ADK: variants seen among roughly 807,000 people sequenced by gnomAD.
ADK encodes adenosine kinase.
A neutral mutation model predicts 44.7 loss-of-function variants in ADK; 24 were observed. The observed-to-expected ratio is 0.54, with a 90% CI of 0.39 to 0.76. The LOEUF (loss-of-function observed/expected upper bound fraction) is 0.76, where lower values mean the gene tolerates loss of function less well. Ranked by LOEUF, ADK falls within the 30% of genes least tolerant of loss-of-function variation. ADK has a pLI of 0.00. For missense variants in ADK, 321 were observed against 425.1 expected (o/e 0.76, Z 2.15); for synonymous variants, 128 against 142.6 (o/e 0.90, Z 0.73).
At chr10:74,312,290 T>TAG (rs35574014) in intron 3 of ADK, among the ~76,000 whole-genome samples, 11 of 151,124 alleles carry the variant, frequency 7.3e-5, no homozygotes, top group African/African-American at 1.7e-4. Context: ...CACTTGTAGA[T>TAG]AGAGTGTGTG....
Position 74,420,072 on chromosome 10 carries a change from T to A in ADK, c.555+21493T>A, listed in dbSNP as rs568443537. ...GAGGAAGCTAAAATCTTAAAGTTCTTAACTGATGATGATACTGCCAGTAGG... is the reference window on the plus strand; with the variant it reads ...GAGGAAGCTAAAATCTTAAAGTTCTAAACTGATGATGATACTGCCAGTAGG... On this transcript the variant is annotated intron_variant, in intron 6 of 10. Coordinates refer to ENST00000539909, the MANE Select transcript of ADK (RefSeq NM_006721.4). Among the ~76,000 whole-genome samples, 33 of 152,272 alleles carry A rather than the reference T, an allele frequency of 2.2e-4. No homozygotes were observed. In the East Asian group the frequency reaches 3.1e-3, roughly 14 times the overall value.
intron 9 of ADK, among the ~76,000 whole-genome samples, chr10:74,632,859 A>G (rs1853490193): frequency 6.6e-6 from 1 of 152,200 alleles, no homozygotes. Flanking sequence ...AGATGAGCAG[A>G]TACATGAGCA....
chr10:74,205,698 A>T (rs1843569821), intron 2 of ADK, among the ~76,000 whole-genome samples: 2 of 151,044 alleles, frequency 1.3e-5, no homozygotes, highest in African/African-American at 2.4e-5. Context: ...AAAAAAAAGA[A>T]ATGTAATTAG....
chr10:74,400,458 A>T (rs1046913681), intron 6 of ADK, among the ~76,000 whole-genome samples: 4 of 152,230 alleles, frequency 2.6e-5, no homozygotes, highest in Non-Finnish European at 4.4e-5. Context: ...ATTCGTATTT[A>T]TTGAAATCTG....
chr10:74,370,329 GA>G (rs1842620461), intron 4 of ADK, among the ~76,000 whole-genome samples: 1 of 152,166 alleles, frequency 6.6e-6, no homozygotes, highest in Admixed American at 6.5e-5. Context: ...ATATGACAGT[GA>G]ATGAGTTGTC....
chr10:74,313,070 G>A (rs897244962), intron 3 of ADK, among the ~76,000 whole-genome samples: 2 of 151,602 alleles, frequency 1.3e-5, no homozygotes, highest in Non-Finnish European at 2.9e-5. Context: ...ACACTGTTTT[G>A]CCTTTTTATT....
chr10:74,371,329 A>G (rs1419486331), intron 4 of ADK, among the ~76,000 whole-genome samples: 2 of 152,202 alleles, frequency 1.3e-5, no homozygotes, highest in Admixed American at 6.5e-5. Flanking sequence ...CTTTAACTGG[A>G]TAAATAAAAG....
At chr10:74,384,917 TG>T (rs1406228100) in intron 4 of ADK, among the ~76,000 whole-genome samples, 2 of 152,150 alleles carry the variant, frequency 1.3e-5, no homozygotes, top group African/African-American at 4.8e-5. Context: ...GGGTAACGAT[TG>T]AAGGACATTT....
At chr10:74,320,925 A>G (rs1271823143) in intron 4 of ADK, among the ~76,000 whole-genome samples, 20 of 152,206 alleles carry the variant, frequency 1.3e-4, no homozygotes, top group Admixed American at 1.3e-3. Context: ...TTATCAGTAA[A>G]TGGACTCTTT....
chr10:74,544,237 A>C (rs1340590489), intron 7 of ADK, among the ~76,000 whole-genome samples: 1 of 152,212 alleles, frequency 6.6e-6, no homozygotes, highest in Non-Finnish European at 1.5e-5. Context: ...TTGATTGGTG[A>C]TCACTTTCTG....
intron 9 of ADK, among the ~76,000 whole-genome samples, chr10:74,620,802 T>A (rs1852968136): frequency 1.3e-5 from 2 of 152,236 alleles, no homozygotes; most frequent in South Asian, 4.1e-4. Flanking sequence ...GATAATGAGC[T>A]TTTTTCCCAT....
chr10:74,611,876 T>C (rs1321034056), intron 9 of ADK, among the ~76,000 whole-genome samples: 3 of 152,188 alleles, frequency 2.0e-5, no homozygotes, highest in African/African-American at 7.2e-5. Context: ...AATCCGCTGT[T>C]GATGGACACT....
intron 9 of ADK, among the ~76,000 whole-genome samples, chr10:74,668,637 G>A (rs926736402): frequency 1.1e-4 from 16 of 152,248 alleles, no homozygotes; most frequent in African/African-American, 3.9e-4. Context: ...TTGGGAGGCT[G>A]AGGCAGGAGA....
At chr10:74,286,887 A>G (rs1310793508) in intron 3 of ADK, among the ~76,000 whole-genome samples, 1 of 152,168 alleles carries the variant, frequency 6.6e-6, no homozygotes, top group African/African-American at 2.4e-5. Context: ...GGGTCTCACT[A>G]TGTTGCCCAG....
chr10:74,185,355 C>A (rs1369539312), intron 1 of ADK, among the ~76,000 whole-genome samples: 1 of 151,426 alleles, frequency 6.6e-6, no homozygotes, highest in Non-Finnish European at 1.5e-5. Flanking sequence ...AAAGAGTGGT[C>A]CAATAGAAAG....
rs181554279 is a variant in ADK, at chr10:74,269,402, C to G, written c.194+44811C>G. Among the ~76,000 whole-genome samples the G allele has an allele frequency of 1.4e-3, 219 of 152,286 alleles. 2 individuals carry two copies. The highest frequency in any genetic ancestry group is 5.2e-3 in the African/African-American group (216 of 41,566). On this transcript the variant is annotated intron_variant, in intron 3 of 10. Coordinates refer to ENST00000539909, the MANE Select transcript of ADK (RefSeq NM_006721.4). ...CTGGTTAGCTACAAGCAGCTTTATA[C>G]TGGTGTCTTTTATTCAGATTTGAGA... is the stretch of plus-strand genomic sequence containing the variant.
intron 4 of ADK, among the ~76,000 whole-genome samples, chr10:74,360,177 G>A (rs75143959): frequency 0.02 from 3,105 of 152,104 alleles, 44 homozygotes; most frequent in Non-Finnish European, 0.029. Context: ...CTAGAGTATA[G>A]TTTAGCTTCA....
intron 3 of ADK, among the ~76,000 whole-genome samples, chr10:74,301,763 CCCT>C (rs1840040166): frequency 1.3e-5 from 2 of 152,006 alleles, no homozygotes; most frequent in South Asian, 4.1e-4. Flanking sequence ...AGCTTTCTGA[CCCT>C]CATCTTCTTC....
chr10:74,261,374 C>T (rs929575333), intron 3 of ADK, among the ~76,000 whole-genome samples: 1 of 152,116 alleles, frequency 6.6e-6, no homozygotes, highest in Non-Finnish European at 1.5e-5. Context: ...AAGTTTCTCT[C>T]CTTCAGCCCT....
Sources: gnomAD v4.1 joint callset for allele counts (sites outside exome capture counted in the v4.1 genomes callset) on GRCh38, gnomAD v4.1.1 for gene constraint, MANE v1.5 for transcripts, NCBI Gene and HGNC (gene_info 2026-07-23, HGNC 2026-07-21) for gene names.